GUCY1A2: variants seen among roughly 807,000 people sequenced by gnomAD.
GUCY1A2 encodes the protein guanylate cyclase soluble subunit alpha-2.
In GUCY1A2, 27 loss-of-function variants were observed where a neutral mutation model predicts 63.5. That is an observed-to-expected ratio of 0.43 (90% CI 0.31 to 0.59). The LOEUF (loss-of-function observed/expected upper bound fraction) is 0.59. GUCY1A2 is among the 20% of genes least tolerant of loss of function. The pLI is 0.11. For missense variants in GUCY1A2, 768 were observed against 913.3 expected, an observed-to-expected ratio of 0.84 and a Z score of 2.05; for synonymous variants, 364 against 343.5, an observed-to-expected ratio of 1.06 and a Z score of -0.66.
At chr11:106,971,110 T>A (rs557386683) in intron 3 of GUCY1A2, among the ~76,000 whole-genome samples, 1 of 151,936 alleles carries the variant, frequency 6.6e-6, no homozygotes, top group South Asian at 2.1e-4. Flanking sequence ...TTTAGAAGAG[T>A]GCAAGTATTT....
At chr11:106,870,590 T>C (rs953759162) in intron 4 of GUCY1A2, among the ~76,000 whole-genome samples, 15 of 152,094 alleles carry the variant, frequency 9.9e-5, no homozygotes, top group African/African-American at 3.4e-4. Context: ...TTGCTACACA[T>C]CTAAAGTTTG....
At chr11:106,745,017 A>C (rs1014468553) in intron 6 of GUCY1A2, among the ~76,000 whole-genome samples, 2 of 152,174 alleles carry the variant, frequency 1.3e-5, no homozygotes, top group African/African-American at 2.4e-5. Context: ...TATCTAAAAC[A>C]CTGTTAATTA....
At chr11:106,830,329 T>A (rs989928490) in intron 4 of GUCY1A2, among the ~76,000 whole-genome samples, 5 of 152,172 alleles carry the variant, frequency 3.3e-5, no homozygotes, top group African/African-American at 1.2e-4. Flanking sequence ...GAGATGTGTA[T>A]GGGTTCAAGT....
intron 4 of GUCY1A2, among the ~76,000 whole-genome samples, chr11:106,850,058 T>C (rs1859331108): frequency 6.6e-6 from 1 of 151,662 alleles, no homozygotes; most frequent in Non-Finnish European, 1.5e-5. Context: ...TCTCCCTCCC[T>C]GCGTCAGTCA....
intron 1 of GUCY1A2, among the ~76,000 whole-genome samples, chr11:107,001,600 G>C (rs938441765): frequency 1.3e-5 from 2 of 151,640 alleles, no homozygotes; most frequent in African/African-American, 4.8e-5. Flanking sequence ...TTTCTACTTT[G>C]TTTTTGCTGT....
At chr11:106,751,701 C>T (rs1423671531) in intron 6 of GUCY1A2, among the ~76,000 whole-genome samples, 1 of 151,916 alleles carries the variant, frequency 6.6e-6, no homozygotes, top group African/African-American at 2.4e-5. Flanking sequence ...ATATTATATT[C>T]CCCAAATGCT....
At chr11:106,763,968 A>T (rs1864114501) in intron 6 of GUCY1A2, among the ~76,000 whole-genome samples, 3 of 152,140 alleles carry the variant, frequency 2.0e-5, no homozygotes, top group Non-Finnish European at 2.9e-5. Flanking sequence ...ATACGGTTTT[A>T]AATTTCTGCT....
intron 5 of GUCY1A2, among the ~76,000 whole-genome samples, chr11:106,790,625 A>T (rs180992407): frequency 1.3e-5 from 2 of 151,830 alleles, no homozygotes; most frequent in African/African-American, 4.8e-5. Flanking sequence ...TGCATCTTAG[A>T]GTCTTGCTTA....
intron 4 of GUCY1A2, among the ~76,000 whole-genome samples, chr11:106,811,310 C>A (rs1858759244): frequency 6.6e-6 from 1 of 151,920 alleles, no homozygotes. Context: ...AGGGCATGAA[C>A]AATGAACACC....
At chr11:106,888,326 G>A (rs910569310) in intron 4 of GUCY1A2, among the ~76,000 whole-genome samples, 17 of 151,782 alleles carry the variant, frequency 1.1e-4, no homozygotes, top group African/African-American at 3.4e-4. Context: ...TTAGCCGGGC[G>A]TGGTGGCGGG....
chr11:106,945,098 G>A (rs1487941352), intron 3 of GUCY1A2, among the ~76,000 whole-genome samples: 1 of 150,040 alleles, frequency 6.7e-6, no homozygotes, highest in East Asian at 2.0e-4. Flanking sequence ...AACCAGGAAT[G>A]ATAAGAAACA....
chr11:106,792,754 A>G (rs1427603182), intron 5 of GUCY1A2, among the ~76,000 whole-genome samples: 3 of 152,194 alleles, frequency 2.0e-5, no homozygotes, highest in Non-Finnish European at 4.4e-5. Flanking sequence ...CAGTATTGAA[A>G]AAGAAATTAA....
intron 4 of GUCY1A2, among the ~76,000 whole-genome samples, chr11:106,921,489 TAAATA>T (rs1860443713): frequency 6.6e-6 from 1 of 152,164 alleles, no homozygotes; most frequent in African/African-American, 2.4e-5. Context: ...AAATGTGCTT[TAAATA>T]AATCTTTTAG....
intron 4 of GUCY1A2, among the ~76,000 whole-genome samples, chr11:106,821,924 C>A (rs12574589): frequency 1.3e-5 from 2 of 152,066 alleles, no homozygotes; most frequent in African/African-American, 4.8e-5. Flanking sequence ...GGGTGAGGAA[C>A]AAGTCAGGGG....
At chr11:106,916,439 A>T (rs1003656885) in intron 4 of GUCY1A2, among the ~76,000 whole-genome samples, 1 of 145,426 alleles carries the variant, frequency 6.9e-6, no homozygotes, top group East Asian at 2.1e-4. Context: ...ATAAGTAAGA[A>T]ATCAAAGCAG....
chr11:106,687,256 AT>A lies in GUCY1A2; in HGVS notation c.*292del. ...TGATAAACAAGAAAACATGGAATCT[AT>A]TTATTGGTTAGTTCTGAAAGGGGAC... On this transcript the variant is annotated 3_prime_UTR_variant, in exon 8 of 8. Coordinates refer to ENST00000526355, the MANE Select transcript of GUCY1A2 (RefSeq NM_000855.3). The A allele has an allele frequency of 3.1e-6, 1 of 319,818 alleles. No homozygotes were observed. The highest frequency in any genetic ancestry group is 7.8e-5 in the South Asian group (1 of 12,764). 19.8% of individuals were successfully genotyped at this position (319,818 alleles called of 1,614,324 possible).
At position 106,869,210 on chromosome 11, in the gene GUCY1A2, T is replaced by C. The variant is rs538815076; in HGVS notation, c.1207-58732A>G. 2.8e-3 allele frequency among the ~76,000 whole-genome samples: 420 copies of C among 152,274 alleles called. 1 individual carries two copies. Among genetic ancestry groups the C allele is most frequent in the Middle Eastern group, 0.017 (5 of 294 alleles). On this transcript the variant is annotated intron_variant, in intron 4 of 7. Coordinates refer to ENST00000526355, the MANE Select transcript of GUCY1A2 (RefSeq NM_000855.3). ...GACATAGGCACGGGCAAGGACTTCA[T>C]GTCTAAAACACCAAAAGCAATGGCA...
intron 4 of GUCY1A2, among the ~76,000 whole-genome samples, chr11:106,853,923 G>A (rs1859390812): frequency 6.6e-6 from 1 of 152,212 alleles, no homozygotes; most frequent in Non-Finnish European, 1.5e-5. Context: ...AATGTGAGCA[G>A]TGAGTTCCTC....
In GUCY1A2 at chr11:106,686,125, T is replaced by C. The variant is rs1192318355; in HGVS notation, c.*1424A>G. 3 of 216,060 alleles carry C rather than the reference T, an allele frequency of 1.4e-5. No homozygotes were observed. The highest frequency in any genetic ancestry group is 2.8e-5 in the Non-Finnish European group (3 of 107,126). 13.4% of individuals were successfully genotyped at this position (216,060 alleles called of 1,614,324 possible). ...AAGGAAACAAATGCTTCCAGCTTAT[T>C]AACCTCAATAGAAACTTAGATTTTA... On this transcript the variant is annotated 3_prime_UTR_variant, in exon 8 of 8. Transcript: ENST00000526355.
Sources: allele counts gnomAD v4.1 joint callset (sites outside exome capture counted in the v4.1 genomes callset), GRCh38; gene constraint gnomAD v4.1.1; transcripts MANE v1.5; gene names NCBI Gene and HGNC (gene_info 2026-07-23, HGNC 2026-07-21).